Variants in DDX18 observed in about 807,000 individuals in gnomAD.
DDX18 encodes ATP-dependent RNA helicase DDX18.
A neutral mutation model predicts 73.5 loss-of-function variants in DDX18; 23 were observed. The ratio of observed to expected loss-of-function variants is 0.31; its 90% CI spans 0.23 to 0.44. DDX18 has a LOEUF of 0.44. Among genes scored for constraint, DDX18 ranks in the 20% least tolerant of loss-of-function variants. The pLI is 1.00. For missense variants in DDX18, 753 were observed against 792.9 expected, an observed-to-expected ratio of 0.95 and a Z score of 0.60; for synonymous variants, 268 against 282.7, an observed-to-expected ratio of 0.95 and a Z score of 0.52.
chr2:117,817,801 T>C, intron 2 of DDX18, 73 bp downstream of exon 2: 2 of 1,458,948 alleles, frequency 1.4e-6, no homozygotes, highest in Non-Finnish European at 1.9e-6. Flanking sequence ...TTTCTATTAC[T>C]ATTGTGTGCA....
At position 117,819,641 on chromosome 2, in the gene DDX18, A is replaced by G. The variant is rs1679812096; in HGVS notation, c.371-8A>G. 1 of 1,569,638 alleles carries G rather than the reference A, an allele frequency of 6.4e-7. No homozygotes were observed. Among genetic ancestry groups the G allele is most frequent in the Non-Finnish European group, 8.6e-7 (1 of 1,164,574 alleles). ...AATTTTTTCGGATTTTGTCTTTTAA[A>G]ACCAAAGATACGAAAAAAGCAAAAA... On this transcript the variant is annotated splice_polypyrimidine_tract_variant and splice_region_variant and intron_variant, in intron 2 of 13. Coordinates refer to ENST00000263239, the MANE Select transcript of DDX18 (RefSeq NM_006773.4).
intron 10 of DDX18, 166 bp downstream of exon 10, chr2:117,825,765 G>A: frequency 1.4e-6 from 1 of 712,612 alleles, no homozygotes; most frequent in Non-Finnish European, 2.2e-6. Context: ...GCTTTTCAGG[G>A]CTCAAACGGG....
chr2:117,816,880 A>G (rs1252603355), intron 1 of DDX18, among the ~76,000 whole-genome samples: 1 of 152,176 alleles, frequency 6.6e-6, no homozygotes, highest in African/African-American at 2.4e-5. Context: ...GAGCCACTGT[A>G]TATGTTGTCC....
At chr2:117,818,830 G>A (rs1333319501) in intron 2 of DDX18, among the ~76,000 whole-genome samples, 2 of 151,988 alleles carry the variant, frequency 1.3e-5, no homozygotes, top group Non-Finnish European at 2.9e-5. Context: ...CCACCTTATG[G>A]GTACATTTTA....
Position 117,832,332 on chromosome 2 carries a change from A to G in DDX18, c.*1608A>G, listed in dbSNP as rs1026493265. The G allele has an allele frequency of 6.6e-6, 1 of 152,162 alleles. No individual in the cohort carries two copies. Among genetic ancestry groups the G allele is most frequent in the Non-Finnish European group, 1.5e-5 (1 of 68,026 alleles). The allele number at this position is 152,162 out of a possible 1,614,324, so 9.4% of individuals were successfully genotyped here. ...CTACTACTTGTAACCAGCTTGTTTC[A>G]TAACATGTTATTTTCCTGTGTCATT... is the stretch of plus-strand genomic sequence containing the variant. On this transcript the variant is annotated 3_prime_UTR_variant, in exon 14 of 14. Transcript: ENST00000263239.
At chr2:117,817,377 G>T in intron 1 of DDX18, 67 bp from the exon 2 acceptor site, 1 of 1,424,074 alleles carries the variant, frequency 7.0e-7, no homozygotes, top group Non-Finnish European at 9.4e-7. Flanking sequence ...TTCTCATTTG[G>T]GATTTCAGTG....
chr2:117,829,176 C>T (rs776212134), intron 12 of DDX18, 113 bp from the exon 13 acceptor site: 24 of 1,222,484 alleles, frequency 2.0e-5, no homozygotes, highest in Non-Finnish European at 2.6e-5. Context: ...CACTCTGTGC[C>T]CTCTTTAAAT....
intron 4 of DDX18, 111 bp downstream of exon 4, chr2:117,821,407 T>A: frequency 7.5e-7 from 1 of 1,334,932 alleles, no homozygotes; most frequent in East Asian, 2.3e-5. Context: ...GGGTCATGTA[T>A]CCAGCATACA....
rs755314412 is a variant in DDX18, at chr2:117,822,260, A to G, written c.1065A>G (p.Pro355=). 8 of 1,609,526 alleles carry G rather than the reference A, an allele frequency of 5.0e-6. No individual in the cohort carries two copies. The highest frequency in any genetic ancestry group is 2.1e-4 in the Middle Eastern group (1 of 4,832). The change falls in exon 7 of 14, where the codon CCA becomes CCG. Residue 355 remains proline, a splice_region_variant and synonymous_variant. Coordinates refer to ENST00000263239, the MANE Select transcript of DDX18 (RefSeq NM_006773.4). ...TAAAGCAAATTATTAAACTTTTGCC[A>G]AGTAAGTAGGTAGCATCTGCATTTG... ...EELKQIIKLL[P]TRRQTMLFSA... is the part of the protein sequence containing the mutation.
intron 1 of DDX18, among the ~76,000 whole-genome samples, chr2:117,816,217 T>C (rs1470294647): frequency 1.3e-5 from 2 of 152,236 alleles, no homozygotes; most frequent in East Asian, 3.8e-4. Context: ...TTATAAACAC[T>C]GTACACTTGG....
Position 117,822,524 on chromosome 2 carries a change from C to T in DDX18, c.1066+263C>T, listed in dbSNP as rs529482849. ...TCCTCCACCTCTTGCCCATTCTTAC[C>T]TCATCTAACATCCCCCAAGAAGCCG... On this transcript the variant is annotated intron_variant, in intron 7 of 13. Coordinates refer to ENST00000263239, the MANE Select transcript of DDX18 (RefSeq NM_006773.4). 1.5e-4 allele frequency: 53 copies of T among 355,560 alleles called. No individual in the cohort carries two copies. In the Middle Eastern group the frequency reaches 2.7e-3, roughly 18 times the overall value. 22.0% of individuals were successfully genotyped at this position (355,560 alleles called of 1,614,324 possible).
At position 117,829,057 on chromosome 2, in the gene DDX18, C is replaced by T. The variant is rs1558735344; in HGVS notation, c.1692+52C>T. ...TAAACAGGAACCTTGTCCCAGCACT[C>T]TGTTTGTAGTGATTCACTGGGCAAT... On this transcript the variant is annotated intron_variant, in intron 12 of 13. Transcript: ENST00000263239. The T allele has an allele frequency of 1.2e-5, 17 of 1,465,394 alleles. No individual in the cohort carries two copies. The Admixed American group carries it at 2.9e-4, about 25-fold the overall frequency. The allele number at this position is 1,465,394 out of a possible 1,614,324, so 90.8% of individuals were successfully genotyped here.
intron 7 of DDX18, among the ~76,000 whole-genome samples, chr2:117,823,460 C>T (rs148655032): frequency 6.6e-6 from 1 of 152,090 alleles, no homozygotes; most frequent in Non-Finnish European, 1.5e-5. Flanking sequence ...TATACACACA[C>T]ACATATACAC....
intron 11 of DDX18, 24 bp from the exon 12 acceptor site, chr2:117,828,925 A>G (rs1679976264): frequency 6.5e-7 from 1 of 1,533,004 alleles, no homozygotes; most frequent in Non-Finnish European, 9.0e-7. Context: ...CTGGTTTACT[A>G]ATCTTAATAC....
intron 1 of DDX18, chr2:117,815,574 T>C (rs900119280): frequency 2.6e-5 from 4 of 152,214 alleles, no homozygotes; most frequent in African/African-American, 7.2e-5. Flanking sequence ...CACAGTGCCT[T>C]GCCCCAGTTG....
chr2:117,822,023 A>G lies in DDX18; in HGVS notation c.913A>G (p.Ile305Val), dbSNP rs149582535. 6,693 of 1,614,016 alleles carry G rather than the reference A, an allele frequency of 4.1e-3. 21 individuals are homozygous for G. The highest frequency in any genetic ancestry group is 4.5e-3 in the Non-Finnish European group (5,273 of 1,179,936). Residue 305 changes from isoleucine to valine, a missense_variant, in exon 6 of 14, where the codon ATT becomes GTT. Physicochemically the swap from Ile to Val is conservative, Grantham distance 29. Around this residue, in one of 3 missense-constraint regions of DDX18, gnomAD observed 6 missense variants for 21.5 expected, o/e 0.28. Coordinates refer to ENST00000263239, the MANE Select transcript of DDX18 (RefSeq NM_006773.4). Reference sequence around the variant, plus strand: ...GAAACTTGGTAATGGGATCAACATCATTGTGGCCACACCAGGCCGTCTGCT... The same window carrying G: ...GAAACTTGGTAATGGGATCAACATCGTTGTGGCCACACCAGGCCGTCTGCT... ...AQKLGNGINI[I>V]VATPGRLLDH...
At chr2:117,818,100 A>G (rs866815274) in intron 2 of DDX18, among the ~76,000 whole-genome samples, 6 of 152,310 alleles carry the variant, frequency 3.9e-5, no homozygotes, top group Middle Eastern at 3.4e-3. Context: ...CAAAGTATAT[A>G]AAGTAGGAAA....
rs980097150 is a variant in DDX18 at position 117,825,750 on chromosome 2, T to C, written c.1521+151T>C. The C allele has an allele frequency of 6.4e-6, 6 of 935,574 alleles. No individual in the cohort carries two copies. The Admixed American group carries it at 1.1e-4, about 18-fold the overall frequency. The allele number at this position is 935,574 out of a possible 1,614,324, so 58.0% of individuals were successfully genotyped here. ...GTATTTCTCTGGTATTGAAAAGTAC[T>C]TAAGGCTTTTCAGGGCTCAAACGGG... is the stretch of plus-strand genomic sequence containing the variant. On this transcript the variant is annotated intron_variant, in intron 10 of 13. Transcript: ENST00000263239.
intron 1 of DDX18, chr2:117,815,168 T>C (rs775673937): frequency 2.9e-6 from 1 of 349,346 alleles, no homozygotes; most frequent in Non-Finnish European, 5.3e-6. Context: ...CCTTAGCTTT[T>C]GGTTCCCTCA....
Sources: gnomAD v4.1 joint callset for allele counts (sites outside exome capture counted in the v4.1 genomes callset) on GRCh38, gnomAD v4.1.1 for gene constraint, gnomAD v4.1.1 regional missense constraint, MANE v1.5 for transcripts, NCBI Gene and HGNC (gene_info 2026-07-23, HGNC 2026-07-21) for gene names.